Variants in SCAPER observed in about 807,000 individuals in gnomAD.
SCAPER encodes the protein S-phase cyclin A associated protein in the ER.
A neutral mutation model predicts 182.2 loss-of-function variants in SCAPER; 98 were observed. That is an observed-to-expected ratio of 0.54 (90% CI 0.46 to 0.64). The LOEUF (loss-of-function observed/expected upper bound fraction) is 0.64, where lower values mean the gene tolerates loss of function less well. SCAPER is among the 30% of genes least tolerant of loss of function. The pLI, the probability that SCAPER is intolerant of heterozygous loss-of-function variation, is 0.00. For synonymous variants in SCAPER, 605 were observed against 564.6 expected, an observed-to-expected ratio of 1.07 and a Z score of -1.01; for missense variants, 1,432 against 1,690.0, an observed-to-expected ratio of 0.85 and a Z score of 2.68.
In SCAPER at chr15:76,753,918, A is replaced by G; in HGVS notation, c.1756T>C (p.Leu586=). ...EKDVRKWKEE[L]LDQRRRMMEE... ...ATCATCCTGCGTCGTTGATCTAGCAATTCTTCCTTCCACTTCCGGACATCC... is the reference window on the plus strand; with the variant it reads ...ATCATCCTGCGTCGTTGATCTAGCAGTTCTTCCTTCCACTTCCGGACATCC... The change falls in exon 15 of 32, where the codon TTG becomes CTG. Residue 586 remains leucine, a synonymous_variant. Transcript: ENST00000563290. The G allele has an allele frequency of 6.2e-7, 1 of 1,612,962 alleles. No individual in the cohort carries two copies. Among genetic ancestry groups the G allele is most frequent in the Non-Finnish European group, 8.5e-7 (1 of 1,179,250 alleles).
chr15:76,519,955 T>C (rs964898316), intron 23 of SCAPER, among the ~76,000 whole-genome samples: 5 of 152,238 alleles, frequency 3.3e-5, no homozygotes, highest in African/African-American at 4.8e-5. Context: ...ATGTTCTTGA[T>C]GGACATATCC....
intron 22 of SCAPER, among the ~76,000 whole-genome samples, chr15:76,596,061 C>T (rs143048399): frequency 0.01 from 1,245 of 120,316 alleles, 146 homozygotes; most frequent in African/African-American, 0.03. Flanking sequence ...GGACCACTAG[C>T]CAGACTAATA....
Position 76,732,793 on chromosome 15 carries a change from C to A in SCAPER, c.2022+436G>T, listed in dbSNP as rs557464277. Reference sequence around the variant, plus strand: ...TTCCATCCTGTACACTTGGCTCTGCCTTTTAGAAAGCAGTAGCAAATTAGT... The same window carrying A: ...TTCCATCCTGTACACTTGGCTCTGCATTTTAGAAAGCAGTAGCAAATTAGT... On this transcript the variant is annotated intron_variant, in intron 16 of 31. Coordinates refer to ENST00000563290, the MANE Select transcript of SCAPER (RefSeq NM_020843.4). Among the ~76,000 whole-genome samples, 5 of 152,286 alleles carry A rather than the reference C, an allele frequency of 3.3e-5. No homozygotes were observed. In the South Asian group the frequency reaches 8.3e-4, roughly 25 times the overall value.
intron 25 of SCAPER, among the ~76,000 whole-genome samples, chr15:76,456,994 A>C (rs932370817): frequency 2.8e-4 from 42 of 151,156 alleles, no homozygotes; most frequent in African/African-American, 1.0e-3. Flanking sequence ...CATCTCATGT[A>C]GATAGAGCAC....
intron 23 of SCAPER, among the ~76,000 whole-genome samples, chr15:76,520,849 T>C (rs2042778665): frequency 6.6e-6 from 1 of 152,190 alleles, no homozygotes; most frequent in African/African-American, 2.4e-5. Context: ...CCATAGTATA[T>C]TGCCTCCCTG....
chr15:76,677,143 A>C (rs771474600), intron 20 of SCAPER, among the ~76,000 whole-genome samples: 4 of 152,148 alleles, frequency 2.6e-5, no homozygotes, highest in Non-Finnish European at 5.9e-5. Context: ...GAATCACAAT[A>C]AAAATCTTCC....
chr15:76,593,876 C>T (rs1262976256), intron 22 of SCAPER, among the ~76,000 whole-genome samples: 1 of 120,852 alleles, frequency 8.3e-6, no homozygotes, highest in African/African-American at 2.5e-5. Flanking sequence ...GAAAAACCAG[C>T]ACAAAAAGGC....
intron 3 of SCAPER, among the ~76,000 whole-genome samples, chr15:76,859,899 A>G (rs1454035939): frequency 6.6e-6 from 1 of 152,080 alleles, no homozygotes; most frequent in African/African-American, 2.4e-5. Flanking sequence ...GTATTTTAGT[A>G]GAGACGAGGT....
chr15:76,721,444 T>C (rs962818981), intron 17 of SCAPER, among the ~76,000 whole-genome samples: 2 of 151,838 alleles, frequency 1.3e-5, no homozygotes, highest in African/African-American at 4.8e-5. Context: ...TTAAAGTAGT[T>C]TTTTCCAATT....
chr15:76,818,602 G>C (rs1004949125), intron 5 of SCAPER, among the ~76,000 whole-genome samples: 13 of 150,882 alleles, frequency 8.6e-5, no homozygotes, highest in African/African-American at 2.9e-4. Flanking sequence ...CAACAATAAG[G>C]GGGGTGGAGC....
intron 20 of SCAPER, among the ~76,000 whole-genome samples, chr15:76,682,574 T>A (rs971380296): frequency 1.3e-5 from 2 of 151,968 alleles, no homozygotes; most frequent in African/African-American, 4.8e-5. Flanking sequence ...CCCAAAACAG[T>A]GCGGCATTTG....
chr15:76,399,298 C>T (rs1056826873), intron 27 of SCAPER, among the ~76,000 whole-genome samples: 15 of 152,092 alleles, frequency 9.9e-5, no homozygotes, highest in African/African-American at 3.4e-4. Flanking sequence ...CCACCACTCT[C>T]AGCTAATTTT....
At chr15:76,419,284 G>A (rs1442850573) in intron 26 of SCAPER, among the ~76,000 whole-genome samples, 1 of 146,598 alleles carries the variant, frequency 6.8e-6, no homozygotes, top group East Asian at 2.0e-4. Context: ...AGCCAAGATC[G>A]CACCATTGCA....
At chr15:76,381,322 A>T in intron 28 of SCAPER, 56 bp downstream of exon 28, 1 of 1,435,102 alleles carries the variant, frequency 7.0e-7, no homozygotes, top group Non-Finnish European at 9.7e-7. Context: ...CATCCTATCT[A>T]CACTAAAATA....
At chr15:76,717,282 A>G (rs1296492657) in intron 17 of SCAPER, among the ~76,000 whole-genome samples, 1 of 152,138 alleles carries the variant, frequency 6.6e-6, no homozygotes, top group African/African-American at 2.4e-5. Context: ...TGTTACATGA[A>G]ATGCTTCTTC....
chr15:76,686,944 A>G (rs1349427137), intron 20 of SCAPER, among the ~76,000 whole-genome samples: 2 of 152,168 alleles, frequency 1.3e-5, no homozygotes, highest in African/African-American at 4.8e-5. Context: ...AACATTAACC[A>G]AAACTAGGTT....
chr15:76,699,288 T>G (rs1416982054), intron 20 of SCAPER, among the ~76,000 whole-genome samples: 1 of 152,194 alleles, frequency 6.6e-6, no homozygotes. Context: ...GGCTAGGCCT[T>G]CCAGTACTAT....
At chr15:76,851,443 GAGAA>G (rs1280549192) in intron 4 of SCAPER, among the ~76,000 whole-genome samples, 3 of 152,050 alleles carry the variant, frequency 2.0e-5, no homozygotes, top group Non-Finnish European at 4.4e-5. Flanking sequence ...CTTTAATAGA[GAGAA>G]AGGGCAGGTC....
At chr15:76,499,344 C>T (rs988379953) in intron 24 of SCAPER, among the ~76,000 whole-genome samples, 1 of 152,124 alleles carries the variant, frequency 6.6e-6, no homozygotes, top group African/African-American at 2.4e-5. Flanking sequence ...GCCAAATGCT[C>T]TGATTGTTAA....
Sources: gnomAD v4.1 joint callset for allele counts (sites outside exome capture counted in the v4.1 genomes callset) on GRCh38, gnomAD v4.1.1 for gene constraint, MANE v1.5 for transcripts, NCBI Gene and HGNC (gene_info 2026-07-23, HGNC 2026-07-21) for gene names.